The following CLNS1A variants were observed in gnomAD, a reference collection of about 807,000 sequenced individuals.
The protein encoded by CLNS1A is methylosome subunit pICln.
CLNS1A carries 16 observed loss-of-function variants against 29.4 expected under a neutral mutation model. That is an observed-to-expected ratio of 0.54 (90% confidence interval 0.37 to 0.83). The LOEUF is 0.83. Among genes scored for constraint, CLNS1A ranks in the 40% least tolerant of loss-of-function variants. The pLI is 0.00. For synonymous variants in CLNS1A, 96 were observed against 104.8 expected, an observed-to-expected ratio of 0.92 and a Z score of 0.51; for missense variants, 235 against 287.4, an observed-to-expected ratio of 0.82 and a Z score of 1.32.
intron 2 of CLNS1A, among the ~76,000 whole-genome samples, chr11:77,628,769 T>A (rs771474036): frequency 1.3e-5 from 2 of 152,254 alleles, no homozygotes; most frequent in African/African-American, 4.8e-5. Flanking sequence ...ATTTTAAACA[T>A]GAGCATCTTC....
rs1422456482 is a variant in CLNS1A, at chr11:77,614,766, T to C, written c.*1952A>G. 6.6e-6 allele frequency: 1 copy of C among 152,222 alleles called. No homozygotes were observed. Among genetic ancestry groups the C allele is most frequent in the Admixed American group, 6.5e-5 (1 of 15,276 alleles). 9.4% of individuals were successfully genotyped at this position (152,222 alleles called of 1,614,324 possible). On this transcript the variant is annotated 3_prime_UTR_variant, in exon 7 of 7. Coordinates refer to ENST00000525428, the MANE Select transcript of CLNS1A (RefSeq NM_001293.3). ...TTTGGAGGGGAAATGTCTATGTACC[T>C]TTAAAGTGTCTCTACATCAGGAACA... is the stretch of plus-strand genomic sequence containing the variant.
rs779357365 is a variant in CLNS1A, at chr11:77,615,352, G to A, written c.*1366C>T. On this transcript the variant is annotated 3_prime_UTR_variant, in exon 7 of 7. Coordinates refer to ENST00000525428, the MANE Select transcript of CLNS1A (RefSeq NM_001293.3). The stretch of plus-strand genomic sequence containing the variant: ...CTGCAGCAGTGGGGAGAGTGTGCAT[G>A]CTTTCTGCTGCTGGTAGGTGGTAAG... The A allele has an allele frequency of 1.3e-5, 2 of 152,146 alleles. No homozygotes were observed. Among genetic ancestry groups the A allele is most frequent in the African/African-American group, 2.4e-5 (1 of 41,432 alleles). The allele number at this position is 152,146 out of a possible 1,614,324, so 9.4% of individuals were successfully genotyped here.
chr11:77,625,259 T>C (rs978248188), intron 3 of CLNS1A, 189 bp from the exon 4 acceptor site: 29 of 569,282 alleles, frequency 5.1e-5, no homozygotes, highest in Non-Finnish European at 8.1e-5. Context: ...TGAGAGATCA[T>C]TGCAATCTCT....
rs775437809 is a variant in CLNS1A, at chr11:77,625,076, C to A, written c.365-6G>T. 1 of 1,593,324 alleles carries A rather than the reference C, an allele frequency of 6.3e-7. No homozygotes were observed. Among genetic ancestry groups the A allele is most frequent in the South Asian group, 1.1e-5 (1 of 88,386 alleles). On this transcript the variant is annotated splice_region_variant and splice_polypyrimidine_tract_variant and intron_variant, in intron 3 of 6. Transcript: ENST00000525428. ...TGCAGTGAACATTGCCTCCACTGAA[C>A]AAGGAAATTAAACTGTAACCAATCT...
chr11:77,624,775 C>G (rs562971767), intron 4 of CLNS1A, among the ~76,000 whole-genome samples, 188 bp downstream of exon 4: 6 of 152,202 alleles, frequency 3.9e-5, no homozygotes, highest in Admixed American at 3.3e-4. Context: ...GCCGAGACCA[C>G]GCCATTGCAC....
intron 1 of CLNS1A, among the ~76,000 whole-genome samples, chr11:77,635,028 C>T (rs1345861222): frequency 6.6e-6 from 1 of 152,174 alleles, no homozygotes; most frequent in African/African-American, 2.4e-5. Flanking sequence ...TGGTCAAGAA[C>T]TCCTGGACTC....
intron 4 of CLNS1A, 26 bp from the exon 5 acceptor site, chr11:77,622,699 T>G: frequency 2.0e-6 from 3 of 1,521,162 alleles, no homozygotes; most frequent in Non-Finnish European, 2.6e-6. Context: ...ACTTTAAAGT[T>G]TAAATACAAC....
chr11:77,629,163 GAGAA>G (rs1414319078), intron 2 of CLNS1A, among the ~76,000 whole-genome samples: 34 of 152,054 alleles, frequency 2.2e-4, no homozygotes, highest in African/African-American at 7.0e-4. Flanking sequence ...CTTTTAAAAA[GAGAA>G]AGGCAGAATA....
intron 5 of CLNS1A, among the ~76,000 whole-genome samples, chr11:77,621,319 AC>A: frequency 6.6e-6 from 1 of 152,036 alleles, no homozygotes; most frequent in Non-Finnish European, 1.5e-5. Context: ...ACACACACAC[AC>A]ACACACAATC....
chr11:77,619,729 A>G lies in CLNS1A; in HGVS notation c.647-34T>C, dbSNP rs1331457571. 9.2e-6 allele frequency: 13 copies of G among 1,413,596 alleles called. No individual in the cohort carries two copies. The East Asian group carries it at 2.5e-4, about 27-fold the overall frequency. The allele number at this position is 1,413,596 out of a possible 1,614,324, so 87.6% of individuals were successfully genotyped here. On this transcript the variant is annotated intron_variant, in intron 5 of 6. Transcript: ENST00000525428. The stretch of plus-strand genomic sequence containing the variant: ...AAAAATTAATTACTGAGCAATCCCT[A>G]TGAACACTTCAGACAGGTAGATTCA...
chr11:77,625,925 C>A (rs11237245), intron 2 of CLNS1A, 107 bp from the exon 3 acceptor site: 3 of 972,536 alleles, frequency 3.1e-6, no homozygotes, highest in East Asian at 2.6e-5. Context: ...TTATGGTTGA[C>A]AAATTTATTT....
At chr11:77,637,014 T>C (rs1200447090) in intron 1 of CLNS1A, among the ~76,000 whole-genome samples, 1 of 152,038 alleles carries the variant, frequency 6.6e-6, no homozygotes, top group Non-Finnish European at 1.5e-5. Context: ...GACCCCTGTC[T>C]GTGTCGAGTT....
At position 77,614,539 on chromosome 11, in the gene CLNS1A, T is replaced by G. The variant is rs61358482; in HGVS notation, c.*2179A>C. On this transcript the variant is annotated 3_prime_UTR_variant, in exon 7 of 7. Coordinates refer to ENST00000525428, the MANE Select transcript of CLNS1A (RefSeq NM_001293.3). Reference sequence around the variant, plus strand: ...TTTTTGTATTTTCAGTAGAGATGGGTTTTCACCGTATTGGCCAGGCTGGTC... The same window carrying G: ...TTTTTGTATTTTCAGTAGAGATGGGGTTTCACCGTATTGGCCAGGCTGGTC... 0.18 allele frequency: 27,536 copies of G among 150,582 alleles called. 3,197 individuals are homozygous for G. Among genetic ancestry groups the G allele is most frequent in the African/African-American group, 0.32 (12,908 of 40,950 alleles). 9.3% of individuals were successfully genotyped at this position (150,582 alleles called of 1,614,324 possible).
intron 6 of CLNS1A, among the ~76,000 whole-genome samples, chr11:77,618,167 A>G (rs923659761): frequency 3.3e-5 from 5 of 152,210 alleles, no homozygotes; most frequent in Admixed American, 6.5e-5. Context: ...TGTTCTCTGT[A>G]TAGTCTATTC....
chr11:77,616,624 A>G lies in CLNS1A; in HGVS notation c.*94T>C, dbSNP rs1276614037. 1 of 152,650 alleles carries G rather than the reference A, an allele frequency of 6.6e-6. No homozygotes were observed. The highest frequency in any genetic ancestry group is 1.9e-4 in the East Asian group (1 of 5,204). 9.5% of individuals were successfully genotyped at this position (152,650 alleles called of 1,614,324 possible). A position where few individuals can be genotyped will look rare whatever the true frequency, so the allele number is the denominator to read the frequency against. On this transcript the variant is annotated 3_prime_UTR_variant, in exon 7 of 7. Transcript: ENST00000525428. ...GGTTCAGGTTGGGTTTTGGAAAAGGAAAAAGACTTTCATTAACTTCACTCC... is the reference window on the plus strand; with the variant it reads ...GGTTCAGGTTGGGTTTTGGAAAAGGGAAAAGACTTTCATTAACTTCACTCC...
intron 6 of CLNS1A, among the ~76,000 whole-genome samples, chr11:77,617,367 CAAAAAAAAAAA>C (rs71043593): frequency 1.2e-4 from 8 of 65,872 alleles, no homozygotes; most frequent in Admixed American, 4.9e-4. Flanking sequence ...AACTCCATCT[CAAAAAAAAAAA>C]AAAAAAAAAA....
intron 1 of CLNS1A, among the ~76,000 whole-genome samples, chr11:77,633,834 C>T (rs1959097230): frequency 6.6e-6 from 1 of 152,118 alleles, no homozygotes; most frequent in Non-Finnish European, 1.5e-5. Flanking sequence ...GGTGCAGTGG[C>T]TAACACCTAT....
At chr11:77,629,282 T>C (rs911088997) in intron 2 of CLNS1A, among the ~76,000 whole-genome samples, 2 of 152,218 alleles carry the variant, frequency 1.3e-5, no homozygotes, top group African/African-American at 2.4e-5. Flanking sequence ...TGAACATCCA[T>C]TGTGAAAACT....
At chr11:77,623,460 G>A (rs1958984035) in intron 4 of CLNS1A, among the ~76,000 whole-genome samples, 1 of 151,984 alleles carries the variant, frequency 6.6e-6, no homozygotes, top group Admixed American at 6.6e-5. Flanking sequence ...CCGGGCACGT[G>A]GTGTGCACCT....
Sources: allele counts gnomAD v4.1 joint callset (sites outside exome capture counted in the v4.1 genomes callset), GRCh38; gene constraint gnomAD v4.1.1; transcripts MANE v1.5; gene names NCBI Gene and HGNC (gene_info 2026-07-23, HGNC 2026-07-21).